Variants in NLGN4X observed in about 807,000 individuals in gnomAD.
NLGN4X encodes neuroligin-4, X-linked.
A neutral mutation model predicts 40.3 loss-of-function variants in NLGN4X; 3 were observed. The observed-to-expected ratio is 0.07, with a 90% CI of 0.03 to 0.19. The LOEUF is 0.19. Ranked by LOEUF, NLGN4X falls within the 10% of genes least tolerant of loss-of-function variation. NLGN4X has a pLI of 1.00. For synonymous variants in NLGN4X, 270 were observed against 306.8 expected, an observed-to-expected ratio of 0.88 and a Z score of 1.25; for missense variants, 382 against 708.3, an observed-to-expected ratio of 0.54 and a Z score of 5.23.
intron 3 of NLGN4X, among the ~76,000 whole-genome samples, chrX:6,021,743 G>GTT (rs1288731897): frequency 0.05 from 5,070 of 102,250 alleles, 304 homozygotes; most frequent in African/African-American, 0.17. Context: ...TTTTTTGTTT[G>GTT]TTTTTTTTTT....
chrX:5,968,060 G>C (rs151201395), intron 3 of NLGN4X, among the ~76,000 whole-genome samples: 7,500 of 111,176 alleles, frequency 0.067, 631 homozygotes, highest in African/African-American at 0.23. Context: ...CAGACTATGT[G>C]CTGACTCCTT....
chrX:6,182,759 T>C, intron 1 of NLGN4X, among the ~76,000 whole-genome samples: 1 of 111,187 alleles, frequency 9.0e-6, no homozygotes, highest in East Asian at 2.9e-4. Context: ...GTAGCCTCCA[T>C]GGGGGAAAAC....
intron 3 of NLGN4X, among the ~76,000 whole-genome samples, chrX:5,995,029 T>C (rs1602026602): frequency 8.9e-6 from 1 of 112,513 alleles, no homozygotes; most frequent in African/African-American, 3.2e-5. Flanking sequence ...CTTTTGGCAA[T>C]ATTTTTTATT....
chrX:6,043,554 G>T (rs1380216238), intron 2 of NLGN4X, among the ~76,000 whole-genome samples: 1 of 111,546 alleles, frequency 9.0e-6, no homozygotes, highest in Non-Finnish European at 1.9e-5. Context: ...TTGGTGGTGT[G>T]GGACAAGGAT....
intron 3 of NLGN4X, among the ~76,000 whole-genome samples, chrX:5,991,252 T>C (rs1318946355): frequency 9.1e-6 from 1 of 110,458 alleles, no homozygotes; most frequent in Non-Finnish European, 1.9e-5. Context: ...TCCTTTCCTT[T>C]TTTTTTTTCC....
intron 5 of NLGN4X, among the ~76,000 whole-genome samples, chrX:5,899,646 T>C (rs2031726771): frequency 1.8e-5 from 2 of 110,294 alleles, no homozygotes; most frequent in African/African-American, 6.6e-5. Context: ...AACGATCACC[T>C]CATGGAACTA....
chrX:5,962,636 C>A (rs1351058527), intron 3 of NLGN4X, among the ~76,000 whole-genome samples: 1 of 112,060 alleles, frequency 8.9e-6, no homozygotes, highest in Non-Finnish European at 1.9e-5. Context: ...GGCATTCTCC[C>A]AAAATTCAAC....
At chrX:5,906,271 C>T (rs931379622) in intron 4 of NLGN4X, among the ~76,000 whole-genome samples, 1 of 111,813 alleles carries the variant, frequency 8.9e-6, no homozygotes, top group African/African-American at 3.3e-5. Flanking sequence ...AAAGTTAATA[C>T]AAATATGAGC....
At chrX:6,038,439 AT>A (rs1178183019) in intron 2 of NLGN4X, among the ~76,000 whole-genome samples, 1 of 112,738 alleles carries the variant, frequency 8.9e-6, no homozygotes, top group Non-Finnish European at 1.9e-5. Flanking sequence ...CTTGAAATAT[AT>A]TTGAGCCTCC....
chrX:6,098,286 G>C (rs952392922), intron 2 of NLGN4X, among the ~76,000 whole-genome samples: 2 of 111,818 alleles, frequency 1.8e-5, no homozygotes, highest in Admixed American at 9.5e-5. Context: ...GTGGCAGAGC[G>C]AGGCTCTCTC....
intron 2 of NLGN4X, among the ~76,000 whole-genome samples, chrX:6,039,936 TTTTG>T (rs745594355): frequency 8.8e-4 from 98 of 111,586 alleles, no homozygotes; most frequent in Middle Eastern, 9.2e-3. Context: ...TGAATATGCA[TTTTG>T]TTTGTTTGTT....
chrX:5,929,234 G>A (rs192201749), intron 3 of NLGN4X, among the ~76,000 whole-genome samples: 91 of 111,594 alleles, frequency 8.2e-4, no homozygotes, highest in African/African-American at 2.7e-3. Context: ...AGGCCGAGGT[G>A]GGAAGATCAC....
At chrX:6,174,012 G>C (rs113569695) in intron 1 of NLGN4X, among the ~76,000 whole-genome samples, 2,658 of 110,935 alleles carry the variant, frequency 0.024, 77 homozygotes, top group African/African-American at 0.08. Flanking sequence ...GAGCCGAGAT[G>C]GTGCTACTGC....
intron 1 of NLGN4X, among the ~76,000 whole-genome samples, chrX:6,193,119 G>A (rs935630238): frequency 8.9e-6 from 1 of 112,076 alleles, no homozygotes; most frequent in Admixed American, 9.4e-5. Flanking sequence ...CTGAGATGGT[G>A]CCTTTAAAAA....
At chrX:6,008,009 T>A (rs1187077864) in intron 3 of NLGN4X, among the ~76,000 whole-genome samples, 1 of 112,040 alleles carries the variant, frequency 8.9e-6, no homozygotes, top group Non-Finnish European at 1.9e-5. Context: ...TTTGTTTATA[T>A]GCTCCTTTCA....
chrX:5,895,068 C>CA (rs2031413430), intron 5 of NLGN4X, among the ~76,000 whole-genome samples: 1 of 112,534 alleles, frequency 8.9e-6, no homozygotes, highest in Non-Finnish European at 1.9e-5. Flanking sequence ...TAGCCATTAC[C>CA]AGACACTGTG....
At chrX:5,954,387 C>T (rs1054613141) in intron 3 of NLGN4X, among the ~76,000 whole-genome samples, 11 of 81,221 alleles carry the variant, frequency 1.4e-4, no homozygotes, top group Non-Finnish European at 2.3e-4. Flanking sequence ...GCATGCTTGG[C>T]TAACTTTTTT....
chrX:6,167,443 G>C (rs2040522776), intron 1 of NLGN4X, among the ~76,000 whole-genome samples: 1 of 112,197 alleles, frequency 8.9e-6, no homozygotes, highest in Non-Finnish European at 1.9e-5. Flanking sequence ...TCAAGACTAA[G>C]ACGTGAAACT....
intron 2 of NLGN4X, among the ~76,000 whole-genome samples, chrX:6,122,663 G>T (rs1260247794): frequency 1.8e-5 from 2 of 109,935 alleles, no homozygotes; most frequent in African/African-American, 6.6e-5. Flanking sequence ...TAAAAGAAAA[G>T]GAACATCCTA....
Sources: allele counts gnomAD v4.1 joint callset (sites outside exome capture counted in the v4.1 genomes callset), GRCh38; gene constraint gnomAD v4.1.1; transcripts MANE v1.5; gene names NCBI Gene and HGNC (gene_info 2026-07-23, HGNC 2026-07-21).